PCDH9: variants seen among roughly 807,000 people sequenced by gnomAD.
PCDH9 encodes protocadherin-9.
In PCDH9, 24 loss-of-function variants were observed where a neutral mutation model predicts 70.6. The ratio of observed to expected loss-of-function variants is 0.34; its 90% CI spans 0.25 to 0.48. The LOEUF (loss-of-function observed/expected upper bound fraction) is 0.48. Ranked by LOEUF, PCDH9 falls within the 20% of genes least tolerant of loss-of-function variation. PCDH9 has a pLI of 0.99. For missense variants in PCDH9, 1,281 were observed against 1,503.6 expected, an observed-to-expected ratio of 0.85 and a Z score of 2.45; for synonymous variants, 562 against 558.5, an observed-to-expected ratio of 1.01 and a Z score of -0.09.
intron 4 of PCDH9, among the ~76,000 whole-genome samples, chr13:66,356,462 G>A (rs571996741): frequency 1.3e-5 from 2 of 151,766 alleles, no homozygotes; most frequent in East Asian, 1.9e-4. Flanking sequence ...CTCTCTGCAG[G>A]TTCATAATTC....
At chr13:66,342,106 A>G (rs1047729994) in intron 4 of PCDH9, among the ~76,000 whole-genome samples, 11 of 152,182 alleles carry the variant, frequency 7.2e-5, no homozygotes, top group African/African-American at 2.7e-4. Context: ...AACTTTTATT[A>G]AAACTGTTAT....
At chr13:66,666,576 G>GAGACA (rs893124524) in intron 3 of PCDH9, among the ~76,000 whole-genome samples, 2 of 152,140 alleles carry the variant, frequency 1.3e-5, no homozygotes, top group African/African-American at 4.8e-5. Context: ...TACCTAGAAG[G>GAGACA]AGACAATAAA....
chr13:67,171,564 T>G (rs757138707), intron 2 of PCDH9, among the ~76,000 whole-genome samples: 5 of 152,212 alleles, frequency 3.3e-5, no homozygotes, highest in African/African-American at 4.8e-5. Flanking sequence ...TCAGGCAAAA[T>G]TGTGACTGTA....
intron 2 of PCDH9, among the ~76,000 whole-genome samples, chr13:67,147,393 T>C (rs2087547712): frequency 6.6e-6 from 1 of 152,174 alleles, no homozygotes; most frequent in African/African-American, 2.4e-5. Context: ...ACATCGCAGA[T>C]ATAAAGCTGG....
At chr13:66,777,109 C>A (rs1303761799) in intron 3 of PCDH9, among the ~76,000 whole-genome samples, 4 of 150,758 alleles carry the variant, frequency 2.7e-5, no homozygotes, top group Admixed American at 6.6e-5. Context: ...CCCTTCCTTA[C>A]ACCTTATACA....
Position 66,827,360 on chromosome 13 carries a change from CA to C in PCDH9, c.3138+76143del, listed in dbSNP as rs71110608. Among the ~76,000 whole-genome samples, 718 of 120,276 alleles carry C rather than the reference CA, an allele frequency of 6.0e-3. 3 individuals carry two copies. Among genetic ancestry groups the C allele is most frequent in the African/African-American group, 0.021 (679 of 32,460 alleles). The allele number at this position is 120,276 out of a possible 152,430, so 78.9% of individuals were successfully genotyped here. On this transcript the variant is annotated intron_variant, in intron 3 of 4. Transcript: ENST00000377865. ...AGGATATTAATGCAGAGGAAAATGG[CA>C]AAAAAAAAAAAAAGAAAAAAAAGAG...
intron 4 of PCDH9, among the ~76,000 whole-genome samples, chr13:66,552,062 G>C (rs1305606746): frequency 6.6e-6 from 1 of 151,944 alleles, no homozygotes; most frequent in Non-Finnish European, 1.5e-5. Flanking sequence ...CTCTCTCCAG[G>C]CCACCAAAGA....
chr13:66,900,110 T>C (rs1020791435), intron 3 of PCDH9, among the ~76,000 whole-genome samples: 1 of 152,038 alleles, frequency 6.6e-6, no homozygotes, highest in African/African-American at 2.4e-5. Context: ...GACAATCAAA[T>C]AGCCTGTGAG....
chr13:66,916,066 A>G lies in PCDH9; in HGVS notation c.3037-12461T>C, dbSNP rs956912017. ...TATAGATGAGGAAATGAAAGCATAG[A>G]GACTAACTTCTCTGAGATGAAATAT... On this transcript the variant is annotated intron_variant, in intron 2 of 4. Coordinates refer to ENST00000377865, the MANE Select transcript of PCDH9 (RefSeq NM_203487.3). Among the ~76,000 whole-genome samples the G allele has an allele frequency of 3.3e-5, 5 of 151,722 alleles. 1 individual carries two copies. Among genetic ancestry groups the G allele is most frequent in the South Asian group, 4.1e-4 (2 of 4,826 alleles).
chr13:66,446,072 C>T (rs1430510100), intron 4 of PCDH9, among the ~76,000 whole-genome samples: 2 of 151,710 alleles, frequency 1.3e-5, no homozygotes, highest in South Asian at 2.1e-4. Flanking sequence ...AGAATTATAA[C>T]GTTCAAAACT....
intron 4 of PCDH9, among the ~76,000 whole-genome samples, chr13:66,623,369 A>C (rs1199586557): frequency 1.3e-5 from 2 of 152,174 alleles, no homozygotes; most frequent in East Asian, 3.9e-4. Context: ...TGAATAGCAA[A>C]AGCTGTGGAG....
At chr13:66,873,574 A>T (rs1421269406) in intron 3 of PCDH9, among the ~76,000 whole-genome samples, 1 of 152,124 alleles carries the variant, frequency 6.6e-6, no homozygotes, top group Admixed American at 6.6e-5. Flanking sequence ...ATCTCCCTGT[A>T]CAGGTTCTAT....
At chr13:66,542,532 C>T (rs1961006033) in intron 4 of PCDH9, among the ~76,000 whole-genome samples, 1 of 151,860 alleles carries the variant, frequency 6.6e-6, no homozygotes, top group African/African-American at 2.4e-5. Flanking sequence ...GCAACTACTG[C>T]ATGAGTTTCC....
At chr13:67,113,927 A>G (rs1025710905) in intron 2 of PCDH9, among the ~76,000 whole-genome samples, 1 of 152,230 alleles carries the variant, frequency 6.6e-6, no homozygotes, top group African/African-American at 2.4e-5. Context: ...GGAGCTAACT[A>G]GAAGTCAAGG....
At chr13:66,679,323 A>C (rs114511891) in intron 3 of PCDH9, among the ~76,000 whole-genome samples, 3,265 of 151,924 alleles carry the variant, frequency 0.021, 89 homozygotes, top group African/African-American at 0.061. Context: ...CATTATTATA[A>C]TATGATATTA....
chr13:66,900,920 A>G (rs2082266392), intron 3 of PCDH9, among the ~76,000 whole-genome samples: 3 of 151,810 alleles, frequency 2.0e-5, no homozygotes, highest in Admixed American at 2.0e-4. Context: ...GGCTCAGTAC[A>G]GAATTAAATA....
chr13:66,424,400 A>G (rs549259786), intron 4 of PCDH9, among the ~76,000 whole-genome samples: 4 of 152,090 alleles, frequency 2.6e-5, no homozygotes, highest in African/African-American at 9.6e-5. Flanking sequence ...CAGGAAGGTT[A>G]AATGCCTTTC....
intron 4 of PCDH9, among the ~76,000 whole-genome samples, chr13:66,345,463 C>T (rs1296563044): frequency 2.6e-5 from 4 of 152,096 alleles, no homozygotes; most frequent in African/African-American, 9.7e-5. Flanking sequence ...CAGACTCAAT[C>T]ACTGAGCTAT....
chr13:66,829,325 T>C (rs530608998), intron 3 of PCDH9, among the ~76,000 whole-genome samples: 1 of 152,276 alleles, frequency 6.6e-6, no homozygotes, highest in East Asian at 1.9e-4. Context: ...CCGGGAATCT[T>C]TTTAAAAAGC....
Sources: gnomAD v4.1 joint callset for allele counts (sites outside exome capture counted in the v4.1 genomes callset) on GRCh38, gnomAD v4.1.1 for gene constraint, MANE v1.5 for transcripts, NCBI Gene and HGNC (gene_info 2026-07-23, HGNC 2026-07-21) for gene names.